The following CNN1 variants were observed in gnomAD, a reference collection of about 807,000 sequenced individuals.
The protein encoded by CNN1 is calponin 1.
Under a neutral mutation model 35.3 loss-of-function variants are expected in CNN1, and 21 were observed. The ratio of observed to expected loss-of-function variants is 0.60; its 90% CI spans 0.42 to 0.86. CNN1 has a LOEUF of 0.86. Among genes scored for constraint, CNN1 ranks in the 40% least tolerant of loss-of-function variants. The pLI is 0.00. For missense variants in CNN1, 314 were observed against 400.8 expected (o/e 0.78, Z 1.85); for synonymous variants, 164 against 161.8 (o/e 1.01, Z -0.10).
At chr19:11,542,841 T>A (rs1344053179) in intron 2 of CNN1, among the ~76,000 whole-genome samples, 1 of 152,148 alleles carries the variant, frequency 6.6e-6, no homozygotes, top group Non-Finnish European at 1.5e-5. Flanking sequence ...CCCAAAGTGC[T>A]GGGATTATAG....
chr19:11,540,718 G>A (rs1198084053), intron 1 of CNN1: 2 of 189,600 alleles, frequency 1.1e-5, no homozygotes, highest in South Asian at 2.4e-4. Context: ...GGCACAGAGG[G>A]GGCAGGGCTA....
rs773285899 is a variant in CNN1, at chr19:11,538,886, C to T, written c.-42C>T. On this transcript the variant is annotated 5_prime_UTR_variant, in exon 1 of 7. Coordinates refer to ENST00000252456, the MANE Select transcript of CNN1 (RefSeq NM_001299.6). ...CTTCAGCCGCTGCCTCTGTTCTCAG[C>T]GTCAGTGCCGCCACTGCCCCCGCCA... is the stretch of plus-strand genomic sequence containing the variant. 4.7e-6 allele frequency: 7 copies of T among 1,476,962 alleles called. No homozygotes were observed. Among genetic ancestry groups the T allele is most frequent in the Admixed American group, 4.5e-5 (2 of 44,244 alleles). The allele number at this position is 1,476,962 out of a possible 1,614,324, so 91.5% of individuals were successfully genotyped here. A position where few individuals can be genotyped will look rare whatever the true frequency, so the allele number is the denominator to read the frequency against.
chr19:11,540,093 C>G, intron 1 of CNN1: 1 of 1,013,254 alleles, frequency 9.9e-7, no homozygotes, highest in Non-Finnish European at 1.2e-6. Context: ...CCCCTAGGGG[C>G]TGGGAGCCTG....
At chr19:11,547,714 A>C in intron 4 of CNN1, 83 bp from the exon 5 acceptor site, 1 of 1,137,456 alleles carries the variant, frequency 8.8e-7, no homozygotes, top group South Asian at 1.4e-5. Context: ...CTCTGTGTCA[A>C]CAACAACAAA....
chr19:11,545,168 T>C (rs1264232176), intron 2 of CNN1, among the ~76,000 whole-genome samples: 1 of 150,482 alleles, frequency 6.6e-6, no homozygotes, highest in Non-Finnish European at 1.5e-5. Flanking sequence ...GCCACTGCCT[T>C]CCAGCCTGAG....
Position 11,549,279 on chromosome 19 carries a change from TGA to T in CNN1, c.502-42_502-41del. ...ATCAGCTATGCCTCATGGCCCATGA[TGA>T]GGTCTGTAATTATTGGTGTGATTCT... On this transcript the variant is annotated intron_variant, in intron 5 of 6. Transcript: ENST00000252456. The surrounding 1 kb of genome is among the most constrained non-coding windows in gnomAD (Gnocchi z 5.2). 6.2e-7 allele frequency: 1 copy of T among 1,604,966 alleles called. No homozygotes were observed. The highest frequency in any genetic ancestry group is 1.1e-5 in the South Asian group (1 of 90,802).
Position 11,549,827 on chromosome 19 carries a change from G to A in CNN1, c.*32G>A. The A allele has an allele frequency of 6.4e-7, 1 of 1,573,742 alleles. No individual in the cohort carries two copies. ...AAGGCCTTCCCTGTTTTCCCCCCAA[G>A]GGAGGCTGCTGCTGCTCTTGGCTGG... On this transcript the variant is annotated 3_prime_UTR_variant, in exon 7 of 7. Transcript: ENST00000252456. The surrounding 1 kb of genome is among the most constrained non-coding windows in gnomAD (Gnocchi z 5.2).
intron 2 of CNN1, among the ~76,000 whole-genome samples, chr19:11,543,644 G>A (rs576078331): frequency 2.0e-4 from 30 of 150,466 alleles, no homozygotes; most frequent in African/African-American, 4.9e-4. Flanking sequence ...TTAGCCGGGC[G>A]TGGTGGCAGG....
Position 11,538,862 on chromosome 19 carries a change from T to C in CNN1, c.-66T>C. The C allele has an allele frequency of 7.3e-7, 1 of 1,372,272 alleles. No individual in the cohort carries two copies. Among genetic ancestry groups the C allele is most frequent in the Non-Finnish European group, 9.7e-7 (1 of 1,028,906 alleles). 85.0% of individuals were successfully genotyped at this position (1,372,272 alleles called of 1,614,324 possible). On this transcript the variant is annotated 5_prime_UTR_variant, in exon 1 of 7. Coordinates refer to ENST00000252456, the MANE Select transcript of CNN1 (RefSeq NM_001299.6). ...GGAGGGAAGAGTGTGCAGACGGAAC[T>C]TCAGCCGCTGCCTCTGTTCTCAGCG...
intron 2 of CNN1, among the ~76,000 whole-genome samples, chr19:11,544,780 G>GGT (rs924103985): frequency 2.7e-5 from 4 of 150,086 alleles, no homozygotes; most frequent in African/African-American, 9.8e-5. Context: ...TGGGATTACA[G>GGT]GTGTGAGCCA....
intron 4 of CNN1, 65 bp from the exon 5 acceptor site, chr19:11,547,732 T>C (rs1972621870): frequency 4.6e-6 from 6 of 1,302,250 alleles, no homozygotes; most frequent in African/African-American, 3.0e-5. Context: ...AAAAAAACAG[T>C]GTCCAAGGGG....
Position 11,540,968 on chromosome 19 carries a change from C to T in CNN1, c.64-108C>T, listed in dbSNP as rs530288025. On this transcript the variant is annotated intron_variant, in intron 1 of 6. Transcript: ENST00000252456. The stretch of plus-strand genomic sequence containing the variant: ...GCAAAATTGCCTTAGTTGGGAAGGA[C>T]GAGGGAGATCAGGCTCTAGGAAGTT... 3.6e-5 allele frequency: 45 copies of T among 1,246,350 alleles called. No individual in the cohort carries two copies. The South Asian group carries it at 6.0e-4, about 17-fold the overall frequency. 77.2% of individuals were successfully genotyped at this position (1,246,350 alleles called of 1,614,324 possible). A position where few individuals can be genotyped will look rare whatever the true frequency, so the allele number is the denominator to read the frequency against.
rs1660514817 is a variant in CNN1, at chr19:11,547,653, C to T, written c.391-144C>T. The T allele has an allele frequency of 2.3e-5, 13 of 557,516 alleles. No homozygotes were observed. In the Admixed American group the frequency reaches 3.4e-4, roughly 14 times the overall value. 34.5% of individuals were successfully genotyped at this position (557,516 alleles called of 1,614,324 possible). A position where few individuals can be genotyped will look rare whatever the true frequency, so the allele number is the denominator to read the frequency against. The stretch of plus-strand genomic sequence containing the variant: ...GTGTGAAGCCGGGAGGCGGAGCTTG[C>T]AGTGAGCTGAGATCACGCCACTGCA... On this transcript the variant is annotated intron_variant, in intron 4 of 6. Coordinates refer to ENST00000252456, the MANE Select transcript of CNN1 (RefSeq NM_001299.6).
At chr19:11,542,438 C>T (rs1599604309) in intron 2 of CNN1, among the ~76,000 whole-genome samples, 1 of 151,710 alleles carries the variant, frequency 6.6e-6, no homozygotes, top group African/African-American at 2.4e-5. Context: ...AGTGATCCAC[C>T]CGCCTTAGTC....
intron 1 of CNN1, chr19:11,539,976 T>C: frequency 9.5e-7 from 1 of 1,057,344 alleles, no homozygotes; most frequent in South Asian, 2.5e-5. Flanking sequence ...CGGTTTGCTT[T>C]ATAAAGCCGG....
At chr19:11,541,623 C>T (rs942310373) in intron 2 of CNN1, among the ~76,000 whole-genome samples, 7 of 152,150 alleles carry the variant, frequency 4.6e-5, no homozygotes, top group Admixed American at 4.6e-4. Context: ...CAGTCTTGTT[C>T]TGTTGCCCAG....
At chr19:11,546,202 G>A (rs895552854) in intron 2 of CNN1, among the ~76,000 whole-genome samples, 3 of 152,178 alleles carry the variant, frequency 2.0e-5, no homozygotes, top group African/African-American at 7.2e-5. Flanking sequence ...GTGTGTGCTT[G>A]GGTGGTTTGG....
At chr19:11,547,654 A>G in intron 4 of CNN1, 143 bp from the exon 5 acceptor site, 2 of 563,244 alleles carry the variant, frequency 3.6e-6, no homozygotes, top group Non-Finnish European at 6.2e-6. Context: ...CGGAGCTTGC[A>G]GTGAGCTGAG....
At chr19:11,539,924 A>G (rs1251928079) in intron 1 of CNN1, 1 of 1,114,964 alleles carries the variant, frequency 9.0e-7, no homozygotes, top group African/African-American at 1.7e-5. Context: ...GCCGCGCCTT[A>G]TAAGGCGGCC....
Sources: allele counts gnomAD v4.1 joint callset (sites outside exome capture counted in the v4.1 genomes callset), GRCh38; gene constraint gnomAD v4.1.1; non-coding constraint Gnocchi (gnomAD v3.1); transcripts MANE v1.5; gene names NCBI Gene and HGNC (gene_info 2026-07-23, HGNC 2026-07-21).